PWWP2A: variants seen among roughly 807,000 people sequenced by gnomAD.
PWWP2A encodes the protein PWWP domain containing 2A.
PWWP2A carries 18 observed loss-of-function variants against 48.5 expected under a neutral mutation model. The ratio of observed to expected loss-of-function variants is 0.37; its 90% CI spans 0.26 to 0.55. The LOEUF (loss-of-function observed/expected upper bound fraction) is 0.55. PWWP2A is among the 20% of genes least tolerant of loss of function. PWWP2A has a pLI of 0.81. For synonymous variants in PWWP2A, 396 were observed against 387.7 expected (o/e 1.02, Z -0.25); for missense variants, 867 against 976.4 (o/e 0.89, Z 1.49).
chr5:160,050,953 G>A, the PWWP2A span, among the ~76,000 whole-genome samples: 5 of 146,306 alleles, frequency 3.4e-5, no homozygotes, highest in Admixed American at 6.9e-5. Flanking sequence ...TTTATGTAGC[G>A]CACCACAAAC....
chr5:160,108,877 G>A (rs890882408), intron 1 of PWWP2A, among the ~76,000 whole-genome samples: 1 of 152,158 alleles, frequency 6.6e-6, no homozygotes, highest in African/African-American at 2.4e-5. Context: ...TGGGGTCTCA[G>A]TATGTTGCCA....
intron 1 of PWWP2A, among the ~76,000 whole-genome samples, chr5:160,094,775 C>T (rs1353149417): frequency 1.3e-5 from 2 of 151,984 alleles, no homozygotes. Context: ...GGGCCGGGTG[C>T]AGTGGCTCAT....
At position 160,091,547 on chromosome 5, in the gene PWWP2A, C is replaced by T. The variant is rs1755068761; in HGVS notation, c.*835G>A. The T allele has an allele frequency of 2.5e-5, 25 of 984,654 alleles. No individual in the cohort carries two copies. Among genetic ancestry groups the T allele is most frequent in the South Asian group, 4.7e-5 (1 of 21,266 alleles). The allele number at this position is 984,654 out of a possible 1,614,324, so 61.0% of individuals were successfully genotyped here. A position where few individuals can be genotyped will look rare whatever the true frequency, so the allele number is the denominator to read the frequency against. On this transcript the variant is annotated 3_prime_UTR_variant, in exon 2 of 2. Transcript: ENST00000307063. ...AATTAATTCACAAAGTATAATTTTA[C>T]TGGGACATATCCTAAGAATTTAGGA... is the stretch of plus-strand genomic sequence containing the variant.
intron 1 of PWWP2A, among the ~76,000 whole-genome samples, chr5:160,100,419 T>C (rs1457191022): frequency 6.6e-6 from 1 of 151,998 alleles, no homozygotes; most frequent in Non-Finnish European, 1.5e-5. Context: ...GAGCCATGAT[T>C]GGACCAATGC....
chr5:160,048,043 A>G, the PWWP2A span, among the ~76,000 whole-genome samples: 3 of 151,692 alleles, frequency 2.0e-5, no homozygotes, highest in African/African-American at 7.3e-5. Flanking sequence ...ATTAAGTACT[A>G]AATAAATGTT....
rs1755313452 is a variant in PWWP2A, at chr5:160,093,626, CACT to C, written c.1021_1023del (p.Ser341del). 2 of 1,613,878 alleles carry C rather than the reference CACT, an allele frequency of 1.2e-6. No homozygotes were observed. The highest frequency in any genetic ancestry group is 2.7e-5 in the African/African-American group (2 of 74,920). On this transcript the variant is annotated inframe_deletion, in exon 2 of 2. Transcript: ENST00000307063. This position sits in a 1 kb window ranked among gnomAD's most constrained non-coding sequence, Gnocchi z 5.8. ...TCTTCATATTTAGAAGAGTCAGTTG[CACT>C]ACTACCTTTTCTAATTTCCTTTTTT...
chr5:160,065,193 C>A, intron 4 of PWWP2A: 1 of 1,245,112 alleles, frequency 8.0e-7, no homozygotes, highest in Non-Finnish European at 1.1e-6. Context: ...TCCAGTAGAG[C>A]CCAGTGCTCC....
chr5:160,066,292 TCTC>T (rs1753604397), intron 4 of PWWP2A, among the ~76,000 whole-genome samples: 1 of 128,258 alleles, frequency 7.8e-6, no homozygotes, highest in African/African-American at 3.0e-5. Flanking sequence ...AGAAAGTGGT[TCTC>T]ATTTTTTTTT....
At chr5:160,060,450 G>C (rs1757667930), downstream of PWWP2A, among the ~76,000 whole-genome samples, 1 of 152,186 alleles carries the variant, frequency 6.6e-6, no homozygotes, top group South Asian at 2.1e-4. Flanking sequence ...TCTTTGCCAT[G>C]GGATCTAGTC....
intron 1 of PWWP2A, 98 bp from the exon 2 acceptor site, chr5:160,094,163 T>C: frequency 7.5e-7 from 1 of 1,326,696 alleles, no homozygotes; most frequent in Admixed American, 3.0e-5. Context: ...TTATATAACC[T>C]TTCCCGAAAA....
intron 1 of PWWP2A, among the ~76,000 whole-genome samples, chr5:160,098,704 AC>A (rs1474091420): frequency 6.6e-6 from 1 of 152,224 alleles, no homozygotes; most frequent in Non-Finnish European, 1.5e-5. Context: ...AACCTATGAA[AC>A]TATAAACTTA....
chr5:160,095,913 C>T (rs1420496845), intron 1 of PWWP2A, among the ~76,000 whole-genome samples: 2 of 151,932 alleles, frequency 1.3e-5, no homozygotes, highest in Non-Finnish European at 2.9e-5. Context: ...CAGGCGAATG[C>T]CTGAGCTCAA....
At chr5:160,080,633 G>A (rs1754160705) in intron 3 of PWWP2A, 2 of 1,517,972 alleles carry the variant, frequency 1.3e-6, no homozygotes, top group Non-Finnish European at 1.8e-6. Flanking sequence ...TTTGTGGCAG[G>A]GCTTAAAACA....
downstream of PWWP2A, among the ~76,000 whole-genome samples, chr5:160,073,777 A>C (rs1390926574): frequency 1.3e-5 from 2 of 152,068 alleles, no homozygotes; most frequent in African/African-American, 2.4e-5. Flanking sequence ...ATGAAATTTC[A>C]TTCCAAGCCG....
At position 160,091,429 on chromosome 5, in the gene PWWP2A, T is replaced by A. The variant is rs1205289639; in HGVS notation, c.*953A>T. On this transcript the variant is annotated 3_prime_UTR_variant, in exon 2 of 2. Transcript: ENST00000307063. The stretch of plus-strand genomic sequence containing the variant: ...GCATTACACAATTACATTTTCTCAT[T>A]TTCTGACCTGCAAACAGATACCTTA... 3.1e-6 allele frequency: 3 copies of A among 980,202 alleles called. No homozygotes were observed. In the African/African-American group the frequency reaches 5.3e-5, roughly 17 times the overall value. 60.7% of individuals were successfully genotyped at this position (980,202 alleles called of 1,614,324 possible).
chr5:160,099,405 C>T (rs73311174), intron 1 of PWWP2A, among the ~76,000 whole-genome samples: 1,663 of 152,268 alleles, frequency 0.011, 31 homozygotes, highest in African/African-American at 0.038. Context: ...TCAGGTATTA[C>T]GGCTTAATTA....
intron 1 of PWWP2A, among the ~76,000 whole-genome samples, chr5:160,100,138 T>C (rs923814294): frequency 8.7e-5 from 13 of 149,600 alleles, no homozygotes; most frequent in African/African-American, 3.2e-4. Context: ...CCATCTCTAC[T>C]AAAAATACAA....
At chr5:160,056,416 A>G in the PWWP2A span, among the ~76,000 whole-genome samples, 1 of 152,226 alleles carries the variant, frequency 6.6e-6, no homozygotes. Flanking sequence ...TAAGAATACC[A>G]TCTGGAGCTT....
intron 2 of PWWP2A, among the ~76,000 whole-genome samples, chr5:160,069,090 C>T (rs1753682317): frequency 6.6e-6 from 1 of 151,832 alleles, no homozygotes; most frequent in Non-Finnish European, 1.5e-5. Context: ...CTCAGGAGTT[C>T]GAGACCAGCC....
Sources: allele counts gnomAD v4.1 joint callset (sites outside exome capture counted in the v4.1 genomes callset), GRCh38; gene constraint gnomAD v4.1.1; non-coding constraint Gnocchi (gnomAD v3.1); transcripts MANE v1.5; gene names NCBI Gene and HGNC (gene_info 2026-07-23, HGNC 2026-07-21).